COL25A1: variants seen among roughly 807,000 people sequenced by gnomAD.
COL25A1 encodes the protein collagen type XXV alpha 1 chain.
Under a neutral mutation model 128.4 loss-of-function variants are expected in COL25A1, and 103 were observed. The ratio of observed to expected loss-of-function variants is 0.80; its 90% CI spans 0.68 to 0.94. The LOEUF is 0.94. COL25A1 is among the 40% of genes least tolerant of loss of function. The probability of loss-of-function intolerance (pLI) is 0.00; values close to 1 mark genes in which losing one functional copy is unlikely to be tolerated. For synonymous variants in COL25A1, 279 were observed against 277.2 expected (o/e 1.01, Z -0.06); for missense variants, 745 against 840.0 (o/e 0.89, Z 1.40).
At chr4:108,903,941 C>T (rs971559378) in intron 13 of COL25A1, among the ~76,000 whole-genome samples, 8 of 152,004 alleles carry the variant, frequency 5.3e-5, no homozygotes, top group Admixed American at 2.6e-4. Flanking sequence ...TAGGTATTCA[C>T]AAAATTTTAC....
At chr4:109,238,673 T>C (rs1248260628) in intron 3 of COL25A1, among the ~76,000 whole-genome samples, 1 of 152,020 alleles carries the variant, frequency 6.6e-6, no homozygotes, top group Non-Finnish European at 1.5e-5. Context: ...AGAAGGTGTG[T>C]GGTCAGAGAA....
At chr4:109,040,304 G>C (rs1225729866) in intron 5 of COL25A1, among the ~76,000 whole-genome samples, 1 of 152,136 alleles carries the variant, frequency 6.6e-6, no homozygotes, top group Non-Finnish European at 1.5e-5. Flanking sequence ...CACATAATTA[G>C]AATTATGCAG....
intron 3 of COL25A1, among the ~76,000 whole-genome samples, chr4:109,178,568 T>C (rs558781138): frequency 6.6e-6 from 1 of 152,290 alleles, no homozygotes; most frequent in East Asian, 1.9e-4. Flanking sequence ...CTCACGCCTG[T>C]AATCCCAGCA....
chr4:109,016,348 G>A (rs534967081), intron 5 of COL25A1, among the ~76,000 whole-genome samples: 5 of 152,360 alleles, frequency 3.3e-5, no homozygotes, highest in South Asian at 4.1e-4. Flanking sequence ...TGAGGGCAGC[G>A]CAGTGCAGGC....
intron 8 of COL25A1, among the ~76,000 whole-genome samples, chr4:108,959,140 C>T (rs765747549): frequency 6.6e-6 from 1 of 152,018 alleles, no homozygotes; most frequent in African/African-American, 2.4e-5. Context: ...GTAAATGGAA[C>T]AGGTTGGGTG....
At chr4:109,128,761 C>T (rs1402403908) in intron 3 of COL25A1, among the ~76,000 whole-genome samples, 1 of 152,218 alleles carries the variant, frequency 6.6e-6, no homozygotes, top group South Asian at 2.1e-4. Context: ...GAATTTTCTG[C>T]TATCTAATCA....
chr4:109,069,840 C>A (rs1016641697), intron 3 of COL25A1, among the ~76,000 whole-genome samples: 16 of 152,050 alleles, frequency 1.1e-4, no homozygotes, highest in Non-Finnish European at 2.2e-4. Context: ...AACTCACTTT[C>A]TTTATTCATA....
chr4:109,118,668 C>G (rs1193366206), intron 3 of COL25A1, among the ~76,000 whole-genome samples: 1 of 151,842 alleles, frequency 6.6e-6, no homozygotes, highest in Non-Finnish European at 1.5e-5. Context: ...GTTAACATTT[C>G]AAGAAGACGA....
At chr4:109,294,955 TTCAGA>T (rs1302011201) in intron 3 of COL25A1, among the ~76,000 whole-genome samples, 1 of 152,028 alleles carries the variant, frequency 6.6e-6, no homozygotes, top group Non-Finnish European at 1.5e-5. Flanking sequence ...AAGCCTGACA[TTCAGA>T]TACTATTTTC....
chr4:109,271,202 AC>A (rs1250962794), intron 3 of COL25A1, among the ~76,000 whole-genome samples: 1 of 152,242 alleles, frequency 6.6e-6, no homozygotes, highest in Non-Finnish European at 1.5e-5. Flanking sequence ...ACACAAAAAT[AC>A]TTAGCTGCAA....
chr4:108,894,913 T>TC (rs1016553207), intron 16 of COL25A1, among the ~76,000 whole-genome samples: 9 of 152,162 alleles, frequency 5.9e-5, no homozygotes, highest in Admixed American at 4.6e-4. Context: ...GGTGGCTTTG[T>TC]CCCCCAGGTA....
At chr4:108,880,545 A>G (rs1013966581) in intron 19 of COL25A1, among the ~76,000 whole-genome samples, 1 of 152,248 alleles carries the variant, frequency 6.6e-6, no homozygotes, top group African/African-American at 2.4e-5. Flanking sequence ...AGAGATAACA[A>G]TAATCAAAAC....
At chr4:109,124,480 T>C (rs1768400107) in intron 3 of COL25A1, among the ~76,000 whole-genome samples, 1 of 152,074 alleles carries the variant, frequency 6.6e-6, no homozygotes, top group Non-Finnish European at 1.5e-5. Flanking sequence ...TTTATTTTTC[T>C]AGTCTAACTA....
chr4:108,912,329 C>A (rs1161023238), intron 13 of COL25A1, among the ~76,000 whole-genome samples: 4 of 151,990 alleles, frequency 2.6e-5, no homozygotes, highest in Admixed American at 2.0e-4. Context: ...TCTTGGAATT[C>A]TAATCTATAC....
intron 35 of COL25A1, among the ~76,000 whole-genome samples, chr4:108,820,719 CAA>C (rs35629348): frequency 9.6e-5 from 13 of 135,772 alleles, no homozygotes; most frequent in Middle Eastern, 3.7e-3. Flanking sequence ...TAACAAAAGC[CAA>C]AAAAAAAAAA....
intron 6 of COL25A1, among the ~76,000 whole-genome samples, chr4:109,004,524 G>A (rs983813946): frequency 6.6e-6 from 1 of 152,120 alleles, no homozygotes; most frequent in Non-Finnish European, 1.5e-5. Context: ...TTGTTGAAAT[G>A]TAATCCCTAG....
chr4:108,958,552 T>C (rs1750330007), intron 8 of COL25A1, among the ~76,000 whole-genome samples: 1 of 151,998 alleles, frequency 6.6e-6, no homozygotes, highest in East Asian at 1.9e-4. Flanking sequence ...CTCTAGGAAA[T>C]TCTGAAATTT....
intron 5 of COL25A1, among the ~76,000 whole-genome samples, chr4:109,027,776 A>T (rs562937280): frequency 7.9e-5 from 12 of 152,172 alleles, no homozygotes; most frequent in Non-Finnish European, 1.2e-4. Flanking sequence ...ATGACTCCAA[A>T]GGTTGACCAG....
chr4:109,032,480 C>T (rs1380361024), intron 5 of COL25A1, among the ~76,000 whole-genome samples: 1 of 152,204 alleles, frequency 6.6e-6, no homozygotes, highest in Non-Finnish European at 1.5e-5. Flanking sequence ...TATTCTCATA[C>T]TTTCCAAGCA....
Sources: gnomAD v4.1 joint callset for allele counts (sites outside exome capture counted in the v4.1 genomes callset) on GRCh38, gnomAD v4.1.1 for gene constraint, MANE v1.5 for transcripts, NCBI Gene and HGNC (gene_info 2026-07-23, HGNC 2026-07-21) for gene names.